HHAT: variants seen among roughly 807,000 people sequenced by gnomAD.
The protein encoded by HHAT is protein-cysteine N-palmitoyltransferase HHAT.
HHAT carries 47 observed loss-of-function variants against 70.8 expected under a neutral mutation model. That is an observed-to-expected ratio of 0.66 (90% CI 0.53 to 0.85). The LOEUF (loss-of-function observed/expected upper bound fraction) is 0.85. Ranked by LOEUF, HHAT falls within the 40% of genes least tolerant of loss-of-function variation. HHAT has a pLI of 0.00. For missense variants in HHAT, 609 were observed against 604.8 expected (o/e 1.01, Z -0.07); for synonymous variants, 228 against 247.6 (o/e 0.92, Z 0.74).
At chr1:210,500,250 G>A (rs2094727713) in intron 8 of HHAT, among the ~76,000 whole-genome samples, 2 of 152,200 alleles carry the variant, frequency 1.3e-5, no homozygotes. Flanking sequence ...TTGTTGTGAT[G>A]ATGTATTCAC....
At chr1:210,595,398 C>G (rs147920938) in intron 10 of HHAT, among the ~76,000 whole-genome samples, 1,717 of 152,296 alleles carry the variant, frequency 0.011, 48 homozygotes, top group African/African-American at 0.039. Flanking sequence ...CAAGTCTTTG[C>G]TATTGTGAAT....
At chr1:210,362,808 T>C in intron 2 of HHAT, 44 bp from the exon 3 acceptor site, 1 of 1,531,626 alleles carries the variant, frequency 6.5e-7, no homozygotes, top group Non-Finnish European at 9.0e-7. Flanking sequence ...CAGCCCAGTT[T>C]TGTTTAGATT....
chr1:210,658,267 TTTTCCTCCCAGCATCTACTC>T (rs1473007679), intron 11 of HHAT, among the ~76,000 whole-genome samples: 2 of 152,126 alleles, frequency 1.3e-5, no homozygotes, highest in Admixed American at 6.5e-5. Flanking sequence ...CAAGTGTCCC[TTTTCCTCCCAGCATCTACTC>T]TTTCCTCCCA....
chr1:210,365,322 T>TTTTTTG (rs1558361349), intron 3 of HHAT, among the ~76,000 whole-genome samples: 2 of 105,316 alleles, frequency 1.9e-5, no homozygotes, highest in Non-Finnish European at 4.3e-5. Context: ...TTTTTTTTTT[T>TTTTTTG]TTTTTTTTTT....
chr1:210,624,283 C>T (rs1481951677), intron 11 of HHAT, among the ~76,000 whole-genome samples: 2 of 152,128 alleles, frequency 1.3e-5, no homozygotes, highest in Admixed American at 6.5e-5. Flanking sequence ...CAGATGCAGC[C>T]CCTTGACCTT....
At chr1:210,648,131 T>TA (rs1674439890) in intron 11 of HHAT, among the ~76,000 whole-genome samples, 1 of 152,196 alleles carries the variant, frequency 6.6e-6, no homozygotes, top group Admixed American at 6.5e-5. Flanking sequence ...TCACCACAGT[T>TA]AAAACCAAAG....
intron 7 of HHAT, among the ~76,000 whole-genome samples, chr1:210,455,658 T>C (rs926344227): frequency 3.3e-5 from 5 of 152,142 alleles, no homozygotes; most frequent in African/African-American, 4.8e-5. Context: ...GTGCCCAGGT[T>C]CCTATCTGTA....
At chr1:210,394,869 G>T (rs144611322) in intron 4 of HHAT, among the ~76,000 whole-genome samples, 1 of 152,246 alleles carries the variant, frequency 6.6e-6, no homozygotes, top group South Asian at 2.1e-4. Context: ...ATCAGTGCAT[G>T]TCTAAGGAGG....
intron 8 of HHAT, among the ~76,000 whole-genome samples, chr1:210,481,174 A>G (rs1244139534): frequency 6.6e-6 from 1 of 152,194 alleles, no homozygotes; most frequent in Non-Finnish European, 1.5e-5. Flanking sequence ...TATACAGTTA[A>G]TATCACTTTA....
intron 3 of HHAT, among the ~76,000 whole-genome samples, chr1:210,381,375 G>A (rs2090622740): frequency 6.6e-6 from 1 of 152,100 alleles, no homozygotes. Flanking sequence ...CCACCTCCCA[G>A]GTTCAAGTGA....
chr1:210,552,303 A>G (rs1367313102), intron 9 of HHAT, among the ~76,000 whole-genome samples: 1 of 152,200 alleles, frequency 6.6e-6, no homozygotes, highest in Admixed American at 6.5e-5. Context: ...ATCTTTGACA[A>G]ATAATCAGTG....
At chr1:210,331,010 C>A (rs2084935084) in intron 1 of HHAT, among the ~76,000 whole-genome samples, 1 of 152,092 alleles carries the variant, frequency 6.6e-6, no homozygotes, top group Admixed American at 6.5e-5. Context: ...GACAGGATTT[C>A]ACCATGTCAA....
At chr1:210,374,763 CTT>C (rs34145775) in intron 3 of HHAT, among the ~76,000 whole-genome samples, 18,464 of 140,256 alleles carry the variant, frequency 0.13, 1,154 homozygotes, top group Non-Finnish European at 0.16. Context: ...AGTGGGGAAT[CTT>C]TTTTTTTTTT....
chr1:210,348,904 T>C, intron 1 of HHAT, 29 bp from the exon 2 acceptor site: 1 of 1,588,708 alleles, frequency 6.3e-7, no homozygotes, highest in Non-Finnish European at 8.5e-7. Flanking sequence ...GTCATGTTCA[T>C]GGCTTAAAGT....
At chr1:210,438,704 G>A (rs184663396) in intron 7 of HHAT, among the ~76,000 whole-genome samples, 13 of 151,828 alleles carry the variant, frequency 8.6e-5, no homozygotes, top group African/African-American at 3.2e-4. Flanking sequence ...CTTAAGTTAA[G>A]CCTTGTTCAC....
intron 9 of HHAT, among the ~76,000 whole-genome samples, chr1:210,587,248 G>A (rs141031123): frequency 0.012 from 1,753 of 152,288 alleles, 52 homozygotes; most frequent in African/African-American, 0.04. Context: ...TTTCCACATG[G>A]CTGGGGAGGC....
At chr1:210,473,180 ATACTT>A (rs1171696118) in intron 8 of HHAT, among the ~76,000 whole-genome samples, 4 of 152,154 alleles carry the variant, frequency 2.6e-5, no homozygotes, top group East Asian at 1.9e-4. Flanking sequence ...TTAGGGTAAA[ATACTT>A]TAATTTCTTT....
At chr1:210,406,348 T>G (rs2092329121) in intron 6 of HHAT, among the ~76,000 whole-genome samples, 1 of 152,286 alleles carries the variant, frequency 6.6e-6, no homozygotes, top group Admixed American at 6.5e-5. Context: ...TGCTCTGTAC[T>G]TTGTTATTAT....
intron 5 of HHAT, 108 bp from the exon 6 acceptor site, chr1:210,404,356 C>T (rs764996002): frequency 1.1e-5 from 9 of 810,452 alleles, no homozygotes; most frequent in Admixed American, 6.7e-5. Flanking sequence ...TCCCAGAGCC[C>T]CCTGGGATTC....
Sources: gnomAD v4.1 joint callset for allele counts (sites outside exome capture counted in the v4.1 genomes callset) on GRCh38, gnomAD v4.1.1 for gene constraint, MANE v1.5 for transcripts, NCBI Gene and HGNC (gene_info 2026-07-23, HGNC 2026-07-21) for gene names.